NDUFAF5: variants seen among roughly 807,000 people sequenced by gnomAD.
NDUFAF5 encodes NADH:ubiquinone oxidoreductase complex assembly factor 5.
Under a neutral mutation model 48.9 loss-of-function variants are expected in NDUFAF5, and 34 were observed. The ratio of observed to expected loss-of-function variants is 0.70; its 90% CI spans 0.53 to 0.93. The LOEUF is 0.93. Among genes scored for constraint, NDUFAF5 ranks in the 40% least tolerant of loss-of-function variants. The pLI is 0.00. For missense variants in NDUFAF5, 428 were observed against 427.5 expected, an observed-to-expected ratio of 1.00 and a Z score of -0.01; for synonymous variants, 153 against 150.6, an observed-to-expected ratio of 1.02 and a Z score of -0.12.
At position 13,818,712 on chromosome 20, in the gene NDUFAF5, G is replaced by A; in HGVS notation, c.*1502G>A. On this transcript the variant is annotated 3_prime_UTR_variant, in exon 11 of 11. Transcript: ENST00000378106. Reference sequence around the variant, plus strand: ...GATGGAGGAATGGGTAAATTCCAGGGGTCTATATTTCCAAAAGGACATGTG... The same window carrying A: ...GATGGAGGAATGGGTAAATTCCAGGAGTCTATATTTCCAAAAGGACATGTG... 1 of 163,930 alleles carries A rather than the reference G, an allele frequency of 6.1e-6. No homozygotes were observed. The highest frequency in any genetic ancestry group is 5.8e-5 in the Admixed American group (1 of 17,232). The allele number at this position is 163,930 out of a possible 1,614,324, so 10.2% of individuals were successfully genotyped here.
chr20:13,813,322 C>T (rs772970983), intron 8 of NDUFAF5, among the ~76,000 whole-genome samples: 2 of 152,176 alleles, frequency 1.3e-5, no homozygotes, highest in Non-Finnish European at 2.9e-5. Context: ...TTTTTCTTAA[C>T]TGTAATGTCT....
intron 8 of NDUFAF5, among the ~76,000 whole-genome samples, chr20:13,813,627 A>C (rs767698682): frequency 5.9e-5 from 9 of 152,194 alleles, no homozygotes; most frequent in Non-Finnish European, 1.0e-4. Context: ...TTTATAATAA[A>C]GTACAAGGAG....
intron 8 of NDUFAF5, chr20:13,814,458 C>G (rs1986236557): frequency 7.8e-7 from 1 of 1,288,974 alleles, no homozygotes; most frequent in Non-Finnish European, 1.0e-6. Flanking sequence ...ACAAAACAAG[C>G]TGCATATCAG....
chr20:13,797,762 C>T (rs1301802288), intron 5 of NDUFAF5, among the ~76,000 whole-genome samples: 1 of 152,086 alleles, frequency 6.6e-6, no homozygotes, highest in Non-Finnish European at 1.5e-5. Context: ...ATCAGTATAG[C>T]TTCATCAGTT....
intron 7 of NDUFAF5, among the ~76,000 whole-genome samples, chr20:13,803,784 T>C (rs1283762130): frequency 1.3e-5 from 2 of 151,946 alleles, no homozygotes; most frequent in African/African-American, 4.8e-5. Flanking sequence ...CTATATTTTC[T>C]TTTAATTTTT....
In NDUFAF5 at chr20:13,788,725, C is replaced by T. The variant is rs945444815; in HGVS notation, c.327+73C>T. 4.1e-6 allele frequency: 4 copies of T among 977,878 alleles called. No homozygotes were observed. In the African/African-American group the frequency reaches 6.5e-5, roughly 16 times the overall value. The allele number at this position is 977,878 out of a possible 1,614,324, so 60.6% of individuals were successfully genotyped here. On this transcript the variant is annotated intron_variant, in intron 3 of 10. Transcript: ENST00000378106. The stretch of plus-strand genomic sequence containing the variant: ...AATTTTAAAGAAAGACTTTCCTAAT[C>T]AGTTTAGCTTGCAACATATTTAGAT...
chr20:13,815,497 T>C (rs906488592), intron 8 of NDUFAF5, among the ~76,000 whole-genome samples: 1 of 152,246 alleles, frequency 6.6e-6, no homozygotes, highest in Non-Finnish European at 1.5e-5. Context: ...GTAGTAGAAA[T>C]CTTTTGAGAT....
Position 13,817,185 on chromosome 20 carries a change from T to A in NDUFAF5, c.1013T>A (p.Met338Lys). 1 of 1,613,776 alleles carries A rather than the reference T, an allele frequency of 6.2e-7. No homozygotes were observed. Among genetic ancestry groups the A allele is most frequent in the Non-Finnish European group, 8.5e-7 (1 of 1,179,732 alleles). ...GAGCTAGGAAAAATAAACAACCTTA[T>A]GCCACCGGGGAAAAAATCACAATAA... ...FGELGKINNL[M>K]PPGKKSQ The change falls in exon 11 of 11, where the codon ATG becomes AAG. Residue 338 changes from methionine to lysine, a missense_variant. Coordinates refer to ENST00000378106, the MANE Select transcript of NDUFAF5 (RefSeq NM_024120.5).
At chr20:13,788,503 T>C in intron 2 of NDUFAF5, 86 bp from the exon 3 acceptor site, 2 of 1,035,338 alleles carry the variant, frequency 1.9e-6, no homozygotes. Context: ...TTGTGTTTAC[T>C]GGAATGATTT....
intron 3 of NDUFAF5, among the ~76,000 whole-genome samples, chr20:13,789,134 C>T (rs1431593539): frequency 2.0e-5 from 3 of 152,128 alleles, no homozygotes; most frequent in Non-Finnish European, 4.4e-5. Context: ...CCTATCTATA[C>T]GATATTGTGC....
rs13038630 is a variant in NDUFAF5 at position 13,794,511 on chromosome 20, T to C, written c.376-327T>C. The stretch of plus-strand genomic sequence containing the variant: ...GCCAGGCTGGTCTCGAACTCCTGAC[T>C]TTCAGTGACTGCCCACCTTGGCATC... On this transcript the variant is annotated intron_variant, in intron 4 of 10. Coordinates refer to ENST00000378106, the MANE Select transcript of NDUFAF5 (RefSeq NM_024120.5). Among the ~76,000 whole-genome samples the C allele has an allele frequency of 0.073, 11,112 of 152,258 alleles. 444 individuals carry two copies. The highest frequency in any genetic ancestry group is 0.088 in the Non-Finnish European group (5,956 of 68,006).
At chr20:13,814,031 G>T in intron 8 of NDUFAF5, 1 of 192,022 alleles carries the variant, frequency 5.2e-6, no homozygotes. Context: ...TATGAGGAAG[G>T]GAAGACTAGA....
Position 13,820,085 on chromosome 20 carries a change from G to A in NDUFAF5, c.*2875G>A, listed in dbSNP as rs1490428323. The A allele has an allele frequency of 6.6e-6, 1 of 152,214 alleles. No individual in the cohort carries two copies. The highest frequency in any genetic ancestry group is 2.4e-5 in the African/African-American group (1 of 41,446). 9.4% of individuals were successfully genotyped at this position (152,214 alleles called of 1,614,324 possible). Reference sequence around the variant, plus strand: ...CTAGTATGTGCACACCGTGACACCTGTTGGCTGCCAGGAGACTGTTTGGCT... The same window carrying A: ...CTAGTATGTGCACACCGTGACACCTATTGGCTGCCAGGAGACTGTTTGGCT... On this transcript the variant is annotated 3_prime_UTR_variant, in exon 11 of 11. Transcript: ENST00000378106.
intron 7 of NDUFAF5, among the ~76,000 whole-genome samples, chr20:13,804,064 G>C (rs1205521127): frequency 6.6e-6 from 1 of 152,130 alleles, no homozygotes; most frequent in African/African-American, 2.4e-5. Context: ...GGGATTACAG[G>C]CATGAGCCGC....
chr20:13,821,268 A>C lies in NDUFAF5; in HGVS notation c.*4058A>C, dbSNP rs1986964978. ...TAGATGGTGTGTCACTTCTGAGACT[A>C]GGTAATAAAAGGCATTGCATCCTCC... On this transcript the variant is annotated 3_prime_UTR_variant, in exon 11 of 11. Coordinates refer to ENST00000378106, the MANE Select transcript of NDUFAF5 (RefSeq NM_024120.5). The C allele has an allele frequency of 6.6e-6, 1 of 152,224 alleles. No individual in the cohort carries two copies. Among genetic ancestry groups the C allele is most frequent in the African/African-American group, 2.4e-5 (1 of 41,448 alleles). 9.4% of individuals were successfully genotyped at this position (152,224 alleles called of 1,614,324 possible).
At position 13,808,904 on chromosome 20, in the gene NDUFAF5, T is replaced by A; in HGVS notation, c.778+2T>A. The A allele has an allele frequency of 6.3e-7, 1 of 1,594,274 alleles. No homozygotes were observed. ...TTGAATTGATGGAAGATTTACAAGG[T>A]AAGGCACTTTAAAGAATTTTTAGAC... is the stretch of plus-strand genomic sequence containing the variant. On this transcript the variant is annotated splice_donor_variant, in intron 8 of 10. Coordinates refer to ENST00000378106, the MANE Select transcript of NDUFAF5 (RefSeq NM_024120.5). LOFTEE classifies it high-confidence loss of function.
At chr20:13,789,852 G>A (rs974811229) in intron 3 of NDUFAF5, among the ~76,000 whole-genome samples, 2 of 152,176 alleles carry the variant, frequency 1.3e-5, no homozygotes, top group African/African-American at 4.8e-5. Context: ...AGGGAGTGGT[G>A]GGGCTCCTAA....
At chr20:13,798,387 C>T (rs1041869719) in intron 5 of NDUFAF5, 74 bp from the exon 6 acceptor site, 1 of 1,074,978 alleles carries the variant, frequency 9.3e-7, no homozygotes, top group South Asian at 1.3e-5. Context: ...TATGGGTTAT[C>T]ATTAACCTGG....
In NDUFAF5 at chr20:13,808,875, A is replaced by G; in HGVS notation, c.751A>G (p.Met251Val). Residue 251 changes from methionine to valine, a missense_variant, in exon 8 of 11, where the codon ATG becomes GTG. Physicochemically the swap from Met to Val is conservative, Grantham distance 21 (BLOSUM62 1). Coordinates refer to ENST00000378106, the MANE Select transcript of NDUFAF5 (RefSeq NM_024120.5). ...TGAAATTCAAGTTAACTATCCTGGA[A>G]TGTTTGAATTGATGGAAGATTTACA... ...TDEIQVNYPG[M>V]FELMEDLQGM... The G allele has an allele frequency of 6.3e-7, 1 of 1,596,940 alleles. No individual in the cohort carries two copies. The highest frequency in any genetic ancestry group is 8.6e-7 in the Non-Finnish European group (1 of 1,164,502).
Sources: gnomAD v4.1 joint callset for allele counts (sites outside exome capture counted in the v4.1 genomes callset) on GRCh38, gnomAD v4.1.1 for gene constraint, MANE v1.5 for transcripts, NCBI Gene and HGNC (gene_info 2026-07-23, HGNC 2026-07-21) for gene names.